The following MICAL2 variants were observed in gnomAD, a reference collection of about 807,000 sequenced individuals.
MICAL2 encodes the protein microtubule associated monooxygenase, calponin and LIM domain containing 2.
A neutral mutation model predicts 127.3 loss-of-function variants in MICAL2; 77 were observed. The observed-to-expected ratio is 0.60, with a 90% CI of 0.50 to 0.73. MICAL2 has a LOEUF of 0.73. MICAL2 is among the 30% of genes least tolerant of loss of function. MICAL2 has a pLI of 0.00. For synonymous variants in MICAL2, 570 were observed against 551.1 expected (o/e 1.03, Z -0.48); for missense variants, 1,351 against 1,434.4 (o/e 0.94, Z 0.94).
chr11:12,311,761 A>C (rs796480840), intron 29 of MICAL2, among the ~76,000 whole-genome samples: 32 of 152,298 alleles, frequency 2.1e-4, no homozygotes, highest in African/African-American at 7.5e-4. Context: ...CTAGTCTCAT[A>C]ACACAACTTG....
rs1328181112 is a variant in MICAL2 at position 12,355,621 on chromosome 11, G to A, written c.5689+764G>A. On this transcript the variant is annotated intron_variant, in intron 34 of 34. Transcript: ENST00000646065. ...CTACCTTATGAGGTTGCCCAGTATAGGGCAAGTACTGAGCAAATGTTAGGC... is the reference window on the plus strand; with the variant it reads ...CTACCTTATGAGGTTGCCCAGTATAAGGCAAGTACTGAGCAAATGTTAGGC... 2.6e-5 allele frequency among the ~76,000 whole-genome samples: 4 copies of A among 152,150 alleles called. No homozygotes were observed. In the East Asian group the frequency reaches 7.7e-4, roughly 29 times the overall value.
At chr11:12,322,986 G>A (rs1412154898) in intron 30 of MICAL2, among the ~76,000 whole-genome samples, 1 of 152,116 alleles carries the variant, frequency 6.6e-6, no homozygotes. Context: ...TCAGAATGTT[G>A]TGTGACATTC....
downstream of MICAL2, among the ~76,000 whole-genome samples, chr11:12,266,076 C>A (rs1006947517): frequency 5.3e-5 from 8 of 152,154 alleles, no homozygotes; most frequent in Non-Finnish European, 1.2e-4. Flanking sequence ...CATGCCACTG[C>A]ACTCCAGCTT....
At chr11:12,145,592 G>A (rs1175360984) in intron 2 of MICAL2, among the ~76,000 whole-genome samples, 1 of 152,174 alleles carries the variant, frequency 6.6e-6, no homozygotes, top group Non-Finnish European at 1.5e-5. Flanking sequence ...CCTTTGTCAT[G>A]CTGCCTCTCT....
In MICAL2 at chr11:12,260,745, C is replaced by T. The variant is rs912828489; in HGVS notation, c.3334+848C>T. On this transcript the variant is annotated intron_variant, in intron 26 of 27. Transcript: ENST00000683283. The stretch of plus-strand genomic sequence containing the variant: ...GAATAGAATTCAACTTACAGAAGCA[C>T]GGAGCAGTGTGTGGTTGGCTGTTAT... 15 of 985,332 alleles carry T rather than the reference C, an allele frequency of 1.5e-5. No individual in the cohort carries two copies. In the African/African-American group the frequency reaches 2.1e-4, roughly 14 times the overall value. 61.0% of individuals were successfully genotyped at this position (985,332 alleles called of 1,614,324 possible). A position where few individuals can be genotyped will look rare whatever the true frequency, so the allele number is the denominator to read the frequency against.
At chr11:12,242,502 T>C in intron 19 of MICAL2, 70 bp downstream of exon 19, 1 of 1,513,058 alleles carries the variant, frequency 6.6e-7, no homozygotes, top group Non-Finnish European at 9.0e-7. Context: ...TCCCTCCTCC[T>C]ACCCGGGTGG....
At chr11:12,169,294 A>T (rs1429303969) in intron 3 of MICAL2, among the ~76,000 whole-genome samples, 5 of 152,082 alleles carry the variant, frequency 3.3e-5, no homozygotes, top group Admixed American at 3.3e-4. Context: ...AGATTGCTTT[A>T]TCTCAGTAGG....
At chr11:12,354,398 G>C (rs981682075) in intron 33 of MICAL2, among the ~76,000 whole-genome samples, 7 of 152,106 alleles carry the variant, frequency 4.6e-5, no homozygotes, top group African/African-American at 1.7e-4. Context: ...CTTGAACCTG[G>C]GAGGTGGAGG....
intron 29 of MICAL2, among the ~76,000 whole-genome samples, chr11:12,314,645 ATTTT>A (rs545442574): frequency 8.1e-6 from 1 of 123,052 alleles, no homozygotes; most frequent in Non-Finnish European, 1.6e-5. Flanking sequence ...TGCCCAGCTA[ATTTT>A]TTTTTTTTTT....
At position 12,239,510 on chromosome 11, in the gene MICAL2, C is replaced by T. The variant is rs748237386; in HGVS notation, c.2139C>T (p.Asn713=). ...CGSSKEGGNQ[N]KVKSMANQLL... ...GCAGTAAGGAAGGTGGAAATCAGAA[C>T]AAAGTCAAGTCCATGGCGAATCAGC... is the stretch of plus-strand genomic sequence containing the variant. The change falls in exon 17 of 28, where the codon AAC becomes AAT. Residue 713 remains asparagine (N), a synonymous_variant. Coordinates refer to ENST00000683283, the MANE Select transcript of MICAL2 (RefSeq NM_001282663.2). 1 of 1,614,100 alleles carries T rather than the reference C, an allele frequency of 6.2e-7. No individual in the cohort carries two copies. The highest frequency in any genetic ancestry group is 2.2e-5 in the East Asian group (1 of 44,900).
At chr11:12,180,320 A>G (rs1446695043) in intron 3 of MICAL2, among the ~76,000 whole-genome samples, 1 of 119,646 alleles carries the variant, frequency 8.4e-6, no homozygotes. Context: ...AGACTCTTGC[A>G]GTGTTTATAT....
chr11:12,133,659 A>G (rs1304766671), intron 1 of MICAL2, among the ~76,000 whole-genome samples: 1 of 151,984 alleles, frequency 6.6e-6, no homozygotes, highest in Non-Finnish European at 1.5e-5. Flanking sequence ...CGCAAAGGAG[A>G]TGATGTTTTA....
intron 3 of MICAL2, among the ~76,000 whole-genome samples, chr11:12,202,331 G>T (rs1854125539): frequency 6.6e-6 from 1 of 152,082 alleles, no homozygotes; most frequent in Non-Finnish European, 1.5e-5. Context: ...GTGGGCTCTG[G>T]AATAAGACTA....
At chr11:12,179,642 G>A (rs1374153703) in intron 3 of MICAL2, among the ~76,000 whole-genome samples, 7 of 152,148 alleles carry the variant, frequency 4.6e-5, no homozygotes, top group Admixed American at 2.0e-4. Context: ...CTTTGCAATC[G>A]TGTTCAGCAG....
chr11:12,198,130 C>T (rs576284296), intron 3 of MICAL2, among the ~76,000 whole-genome samples: 1 of 152,156 alleles, frequency 6.6e-6, no homozygotes, highest in South Asian at 2.1e-4. Flanking sequence ...ACAGCTAGAA[C>T]CTCAGGTGAT....
At position 12,326,521 on chromosome 11, in the gene MICAL2, T is replaced by C. The variant is rs190847424; in HGVS notation, c.5422-652T>C. Among the ~76,000 whole-genome samples the C allele has an allele frequency of 7.9e-5, 12 of 152,262 alleles. No individual in the cohort carries two copies. In the East Asian group the frequency reaches 2.1e-3, roughly 27 times the overall value. The stretch of plus-strand genomic sequence containing the variant: ...GAGTATGATGTCATCCCCTAACAAG[T>C]TAAACATCTTGTGTCTCACCTTAAT... On this transcript the variant is annotated intron_variant, in intron 31 of 34. Coordinates refer to the MICAL2 transcript ENST00000646065.
chr11:12,309,493 G>C (rs1299166755), intron 29 of MICAL2, among the ~76,000 whole-genome samples: 4 of 152,020 alleles, frequency 2.6e-5, no homozygotes, highest in Non-Finnish European at 5.9e-5. Context: ...CATCCATGTT[G>C]AGGCAAATGA....
At chr11:12,246,525 G>A (rs776103674) in intron 21 of MICAL2, among the ~76,000 whole-genome samples, 1 of 152,262 alleles carries the variant, frequency 6.6e-6, no homozygotes, top group Non-Finnish European at 1.5e-5. Flanking sequence ...AGAGCACTGA[G>A]CATTGCAAAA....
At chr11:12,163,190 C>G (rs1192243445) in intron 3 of MICAL2, among the ~76,000 whole-genome samples, 1 of 152,226 alleles carries the variant, frequency 6.6e-6, no homozygotes, top group Non-Finnish European at 1.5e-5. Flanking sequence ...GGCTCACTAT[C>G]GCAACCTTTC....
Sources: allele counts gnomAD v4.1 joint callset (sites outside exome capture counted in the v4.1 genomes callset), GRCh38; gene constraint gnomAD v4.1.1; transcripts MANE v1.5; gene names NCBI Gene and HGNC (gene_info 2026-07-23, HGNC 2026-07-21).